The following TAB2 variants were observed in gnomAD, a reference collection of about 807,000 sequenced individuals.
TAB2 encodes the protein TGF-beta activated kinase 1 (MAP3K7) binding protein 2.
Under a neutral mutation model 65.0 loss-of-function variants are expected in TAB2, and 3 were observed. The observed-to-expected ratio is 0.05, with a 90% CI of 0.02 to 0.12. The LOEUF (loss-of-function observed/expected upper bound fraction) is 0.12. Ranked by LOEUF, TAB2 falls within the 10% of genes least tolerant of loss-of-function variation. The probability of loss-of-function intolerance (pLI) is 1.00; values close to 1 mark genes in which losing one functional copy is unlikely to be tolerated. For synonymous variants in TAB2, 298 were observed against 285.1 expected (o/e 1.05, Z -0.46); for missense variants, 623 against 840.3 (o/e 0.74, Z 3.20).
rs375269730 is a variant in TAB2 at position 149,388,198 on chromosome 6, C to T, written c.1603+8680C>T. 3.7e-4 allele frequency among the ~76,000 whole-genome samples: 57 copies of T among 152,298 alleles called. No homozygotes were observed. The South Asian group carries it at 0.011, about 30-fold the overall frequency. Reference sequence around the variant, plus strand: ...GCTGGTGGCCTCTGTTCTCCATCACCCTCACCAAGGGACCCAGGTTAAGGG... The same window carrying T: ...GCTGGTGGCCTCTGTTCTCCATCACTCTCACCAAGGGACCCAGGTTAAGGG... On this transcript the variant is annotated intron_variant, in intron 3 of 6. Coordinates refer to ENST00000637181, the MANE Select transcript of TAB2 (RefSeq NM_001292034.3).
Position 149,409,967 on chromosome 6 carries a change from A to T in TAB2, c.*248A>T. The T allele has an allele frequency of 8.9e-6, 5 of 561,320 alleles. No homozygotes were observed. The highest frequency in any genetic ancestry group is 8.0e-5 in the South Asian group (4 of 49,932). 34.8% of individuals were successfully genotyped at this position (561,320 alleles called of 1,614,324 possible). On this transcript the variant is annotated 3_prime_UTR_variant, in exon 7 of 7. Transcript: ENST00000637181. ...TTGGTTGCCCACTGCCTAACTGTGT[A>T]CAGTGTTACCAGTGTCCCATTATGG...
chr6:149,324,778 A>C (rs1779550250), intron 1 of TAB2, among the ~76,000 whole-genome samples: 1 of 152,016 alleles, frequency 6.6e-6, no homozygotes, highest in Non-Finnish European at 1.5e-5. Context: ...AACTGGGGCC[A>C]TAGGGGTAGA....
chr6:149,307,617 A>T (rs1053319636), intron 1 of TAB2, among the ~76,000 whole-genome samples: 1 of 152,036 alleles, frequency 6.6e-6, no homozygotes, highest in Non-Finnish European at 1.5e-5. Context: ...ATTATTTACA[A>T]AGGTTTCCCT....
At chr6:149,289,236 G>C (rs1583066847) in intron 1 of TAB2, among the ~76,000 whole-genome samples, 1 of 151,996 alleles carries the variant, frequency 6.6e-6, no homozygotes, top group African/African-American at 2.4e-5. Flanking sequence ...CAAAATAAAA[G>C]GCAAAATCAG....
intron 1 of TAB2, among the ~76,000 whole-genome samples, chr6:149,257,155 T>C (rs1778054232): frequency 6.6e-6 from 1 of 152,152 alleles, no homozygotes; most frequent in Non-Finnish European, 1.5e-5. Flanking sequence ...TCAACAGACA[T>C]TGTCTCTGGC....
chr6:149,373,322 C>A (rs1405730294), intron 2 of TAB2, among the ~76,000 whole-genome samples: 2 of 152,100 alleles, frequency 1.3e-5, no homozygotes, highest in South Asian at 2.1e-4. Context: ...ATTGGTATTT[C>A]TTTTCAAAGT....
Position 149,379,126 on chromosome 6 carries a change from A to T in TAB2, c.1211A>T (p.Gln404Leu). Residue 404 changes from glutamine (Q) to leucine (L), a missense_variant, in exon 3 of 7, where the codon CAG becomes CTG. Coordinates refer to ENST00000637181, the MANE Select transcript of TAB2 (RefSeq NM_001292034.3). ...GGAGATGAACAGGTCATGCGGAATC[A>T]GCCCACACTCTTCATATCCACAAAC... The part of the protein sequence containing the change: ...ATGDEQVMRN[Q>L]PTLFISTNSG... 1 of 1,614,208 alleles carries T rather than the reference A, an allele frequency of 6.2e-7. No individual in the cohort carries two copies. Among genetic ancestry groups the T allele is most frequent in the Non-Finnish European group, 8.5e-7 (1 of 1,180,046 alleles).
At chr6:149,355,218 C>T (rs1012691036) in intron 1 of TAB2, among the ~76,000 whole-genome samples, 9 of 152,056 alleles carry the variant, frequency 5.9e-5, no homozygotes, top group Non-Finnish European at 1.3e-4. Flanking sequence ...CTGTTTTTGC[C>T]AAATATTACA....
intron 1 of TAB2, among the ~76,000 whole-genome samples, chr6:149,273,924 G>A (rs1462427728): frequency 6.6e-6 from 1 of 152,196 alleles, no homozygotes; most frequent in African/African-American, 2.4e-5. Flanking sequence ...TGACTAGAAA[G>A]GATCAGCCCA....
intron 2 of TAB2, among the ~76,000 whole-genome samples, chr6:149,375,908 T>C (rs1781382435): frequency 6.6e-6 from 1 of 152,164 alleles, no homozygotes; most frequent in Non-Finnish European, 1.5e-5. Flanking sequence ...TTGCTCACTA[T>C]CCTTTTATAT....
intron 1 of TAB2, among the ~76,000 whole-genome samples, chr6:149,266,627 A>G (rs953099393): frequency 1.6e-4 from 24 of 152,162 alleles, no homozygotes; most frequent in Non-Finnish European, 3.4e-4. Context: ...GCCCAGACCT[A>G]TCGCTAAGAA....
chr6:149,317,294 C>G (rs570148239), upstream of TAB2, among the ~76,000 whole-genome samples: 3 of 152,206 alleles, frequency 2.0e-5, no homozygotes, highest in South Asian at 6.2e-4. This position sits in a 1 kb window ranked among gnomAD's most constrained non-coding sequence, Gnocchi z 4.7. Context: ...ACCGGCACCC[C>G]CCTCGCACGG....
At chr6:149,239,825 G>T (rs1777564468) in intron 1 of TAB2, among the ~76,000 whole-genome samples, 2 of 152,176 alleles carry the variant, frequency 1.3e-5, no homozygotes, top group Non-Finnish European at 2.9e-5. Context: ...CACAGCCGAG[G>T]GATATTCTGT....
rs1296912070 is a variant in TAB2 at position 149,252,065 on chromosome 6, A to T, written c.-121+33289A>T. On this transcript the variant is annotated intron_variant, in intron 1 of 1. Coordinates refer to the TAB2 transcript ENST00000606202. ...ATTCAATTTCTTAGAGACTTCCAGG[A>T]TAAGCAGATACTTGAGCTACAGACC... is the stretch of plus-strand genomic sequence containing the variant. Among the ~76,000 whole-genome samples, 3 of 152,298 alleles carry T rather than the reference A, an allele frequency of 2.0e-5. No individual in the cohort carries two copies. In the East Asian group the frequency reaches 5.8e-4, roughly 29 times the overall value.
intron 1 of TAB2, chr6:149,346,447 ACT>A (rs1780303345): frequency 9.3e-6 from 1 of 107,540 alleles, no homozygotes; most frequent in Non-Finnish European, 1.8e-5. Flanking sequence ...AGTTGGTGAA[ACT>A]TTTTTTTTTT....
intron 1 of TAB2, among the ~76,000 whole-genome samples, chr6:149,239,301 T>C (rs1322683129): frequency 6.6e-6 from 1 of 151,514 alleles, no homozygotes; most frequent in Non-Finnish European, 1.5e-5. Flanking sequence ...TGGCCTGGAG[T>C]TGCCATGACC....
At position 149,317,971 on chromosome 6, in the gene TAB2, C is replaced by T; in HGVS notation, c.-134C>T. ...GCTGCCCTAGTGGGAGAGGCGGCGGCGGCGGCGGCCGAGGAGGAGGAGGGG... is the reference window on the plus strand; with the variant it reads ...GCTGCCCTAGTGGGAGAGGCGGCGGTGGCGGCGGCCGAGGAGGAGGAGGGG... On this transcript the variant is annotated 5_prime_UTR_variant, in exon 1 of 7. Coordinates refer to ENST00000637181, the MANE Select transcript of TAB2 (RefSeq NM_001292034.3). This position sits in a 1 kb window ranked among gnomAD's most constrained non-coding sequence, Gnocchi z 4.7. The T allele has an allele frequency of 5.8e-6, 1 of 171,304 alleles. No individual in the cohort carries two copies. The highest frequency in any genetic ancestry group is 1.2e-5 in the Non-Finnish European group (1 of 80,712). 10.6% of individuals were successfully genotyped at this position (171,304 alleles called of 1,614,324 possible).
intron 1 of TAB2, among the ~76,000 whole-genome samples, chr6:149,337,213 C>G (rs149005103): frequency 6.8e-6 from 1 of 147,920 alleles, no homozygotes; most frequent in East Asian, 2.6e-4. Context: ...TTTTTAAAAA[C>G]ACTTGATAAC....
chr6:149,343,861 C>G (rs1037037929), intron 1 of TAB2, among the ~76,000 whole-genome samples: 8 of 152,100 alleles, frequency 5.3e-5, no homozygotes, highest in Admixed American at 1.3e-4. Flanking sequence ...AGTTTATTTA[C>G]TAAATGGGTA....
Sources: gnomAD v4.1 joint callset for allele counts (sites outside exome capture counted in the v4.1 genomes callset) on GRCh38, gnomAD v4.1.1 for gene constraint, Gnocchi (gnomAD v3.1) non-coding constraint, MANE v1.5 for transcripts, NCBI Gene and HGNC (gene_info 2026-07-23, HGNC 2026-07-21) for gene names.